PARD3B: variants seen among roughly 807,000 people sequenced by gnomAD.
The protein encoded by PARD3B is par-3 family cell polarity regulator beta, also known as partitioning defective 3 homolog B.
In PARD3B, 103 loss-of-function variants were observed where a neutral mutation model predicts 130.2. The ratio of observed to expected loss-of-function variants is 0.79; its 90% confidence interval spans 0.67 to 0.93. The LOEUF is 0.93. PARD3B is among the 40% of genes least tolerant of loss of function. PARD3B has a pLI of 0.00. For synonymous variants in PARD3B, 583 were observed against 553.2 expected, an observed-to-expected ratio of 1.05 and a Z score of -0.76; for missense variants, 1,609 against 1,499.2, an observed-to-expected ratio of 1.07 and a Z score of -1.21.
intron 18 of PARD3B, among the ~76,000 whole-genome samples, chr2:205,383,117 T>TAGATAGATAGATAGATAGAGAGAG (rs367894218): frequency 6.7e-6 from 1 of 149,826 alleles, no homozygotes; most frequent in Non-Finnish European, 1.5e-5. Flanking sequence ...GATAGATAGA[T>TAGATAGATAGATAGATAGAGAGAG]AGATAGATAG....
At chr2:204,691,029 A>T (rs1238147144) in intron 2 of PARD3B, among the ~76,000 whole-genome samples, 1 of 152,154 alleles carries the variant, frequency 6.6e-6, no homozygotes, top group Non-Finnish European at 1.5e-5. Flanking sequence ...AAAGTCACAG[A>T]CAAACAGCCT....
intron 4 of PARD3B, among the ~76,000 whole-genome samples, chr2:205,079,454 T>C (rs1450021872): frequency 6.6e-6 from 1 of 152,110 alleles, no homozygotes; most frequent in East Asian, 1.9e-4. Context: ...TGCTGTATCC[T>C]TACATGACAG....
intron 20 of PARD3B, among the ~76,000 whole-genome samples, chr2:205,494,501 C>A (rs1453022447): frequency 6.6e-6 from 1 of 152,166 alleles, no homozygotes; most frequent in Non-Finnish European, 1.5e-5. Context: ...TCTACATAAG[C>A]CTGTTAGAGA....
chr2:205,306,798 A>G (rs1197837078), intron 18 of PARD3B, among the ~76,000 whole-genome samples: 1 of 152,238 alleles, frequency 6.6e-6, no homozygotes, highest in Admixed American at 6.5e-5. Context: ...TGCTACATGC[A>G]CATTTTCAAC....
intron 18 of PARD3B, among the ~76,000 whole-genome samples, chr2:205,383,443 T>G (rs2045554299): frequency 6.6e-6 from 1 of 152,128 alleles, no homozygotes; most frequent in Admixed American, 6.6e-5. Flanking sequence ...CTTTTTGCCT[T>G]TAGCTTTGTG....
chr2:205,111,609 G>A (rs1199096367), intron 5 of PARD3B, among the ~76,000 whole-genome samples: 2 of 151,974 alleles, frequency 1.3e-5, no homozygotes, highest in Admixed American at 6.6e-5. Context: ...TTCATAAAAG[G>A]TATTCTAAAA....
At chr2:205,567,984 C>T (rs565201450) in intron 22 of PARD3B, among the ~76,000 whole-genome samples, 2 of 152,280 alleles carry the variant, frequency 1.3e-5, no homozygotes, top group East Asian at 3.9e-4. Context: ...AGGTACTTAA[C>T]TTTTGGTCCC....
chr2:204,563,573 T>G (rs2031483945), intron 1 of PARD3B, among the ~76,000 whole-genome samples: 1 of 152,182 alleles, frequency 6.6e-6, no homozygotes, highest in Non-Finnish European at 1.5e-5. Context: ...TCTTATATTT[T>G]TGCTCCAAAA....
chr2:204,921,718 C>G (rs1194829930), intron 2 of PARD3B, among the ~76,000 whole-genome samples: 2 of 151,928 alleles, frequency 1.3e-5, no homozygotes, highest in African/African-American at 4.8e-5. Flanking sequence ...TGGAGCAAGC[C>G]TGTGTCATGA....
intron 15 of PARD3B, among the ~76,000 whole-genome samples, chr2:205,197,101 A>G (rs560847556): frequency 2.0e-5 from 3 of 151,082 alleles, no homozygotes; most frequent in South Asian, 4.2e-4. Flanking sequence ...GAGCATGCAC[A>G]TTAATTATAA....
intron 11 of PARD3B, among the ~76,000 whole-genome samples, chr2:205,168,288 G>GGGGAGAGAGAGAGAGAGA (rs1553630224): frequency 7.9e-6 from 1 of 126,844 alleles, no homozygotes; most frequent in South Asian, 2.7e-4. Context: ...GGTGAGAAAG[G>GGGGAGAGAGAGAGAGAGA]GAGAGAGAGA....
chr2:205,461,469 C>T lies in PARD3B; in HGVS notation c.3044+20797C>T, dbSNP rs989112426. 7.2e-5 allele frequency among the ~76,000 whole-genome samples: 11 copies of T among 152,284 alleles called. No homozygotes were observed. Among genetic ancestry groups the T allele is most frequent in the Middle Eastern group, 3.4e-3 (1 of 294 alleles). ...GCACGGACTGCCATGTAGAAAAGGT[C>T]CCCTATTATTTCAGCACCACATTTC... On this transcript the variant is annotated intron_variant, in intron 20 of 22. Coordinates refer to ENST00000406610, the MANE Select transcript of PARD3B (RefSeq NM_001302769.2). The surrounding 1 kb of genome is among the most constrained non-coding windows in gnomAD (Gnocchi z 4.3).
chr2:205,570,108 G>A (rs1325238676), intron 22 of PARD3B, among the ~76,000 whole-genome samples: 2 of 152,182 alleles, frequency 1.3e-5, no homozygotes, highest in Non-Finnish European at 2.9e-5. Context: ...ATTTGGCTAA[G>A]CCGAAAGGAA....
At chr2:204,992,670 G>T (rs1336390470) in intron 3 of PARD3B, among the ~76,000 whole-genome samples, 3 of 55,942 alleles carry the variant, frequency 5.4e-5, no homozygotes, top group African/African-American at 1.9e-4. Flanking sequence ...ACCTTGGGCA[G>T]TATGGCCATT....
intron 4 of PARD3B, among the ~76,000 whole-genome samples, chr2:205,054,424 A>ATG (rs1699468284): frequency 4.7e-5 from 1 of 21,446 alleles, no homozygotes; most frequent in Non-Finnish European, 1.1e-4. Flanking sequence ...ATATATATAT[A>ATG]TATATATATA....
intron 2 of PARD3B, among the ~76,000 whole-genome samples, chr2:204,844,699 C>T (rs1039111518): frequency 2.6e-5 from 4 of 152,134 alleles, no homozygotes; most frequent in African/African-American, 9.7e-5. Flanking sequence ...ATTGCTCCAG[C>T]TGAGTTACAG....
chr2:204,759,599 T>A (rs1041325497), intron 2 of PARD3B, among the ~76,000 whole-genome samples: 57 of 152,168 alleles, frequency 3.7e-4, no homozygotes, highest in African/African-American at 1.2e-3. Flanking sequence ...TCCTCTGTTG[T>A]TAACATTTGC....
At chr2:204,706,134 G>A (rs1343377337) in intron 2 of PARD3B, among the ~76,000 whole-genome samples, 1 of 152,194 alleles carries the variant, frequency 6.6e-6, no homozygotes, top group South Asian at 2.1e-4. Context: ...TTGGGAGGCC[G>A]AGGTGAGAGG....
Position 205,343,767 on chromosome 2 carries a change from GC to G in PARD3B, c.2630+42068del, listed in dbSNP as rs386654385. On this transcript the variant is annotated intron_variant, in intron 18 of 22. Coordinates refer to ENST00000406610, the MANE Select transcript of PARD3B (RefSeq NM_001302769.2). Reference sequence around the variant, plus strand: ...TTTCTTTTCAGTCCCTCTGCCCCCTGCCTTCCTTACCACCACCCCCCACCCA... The same window carrying G: ...TTTCTTTTCAGTCCCTCTGCCCCCTGCTTCCTTACCACCACCCCCCACCCA... Among the ~76,000 whole-genome samples the G allele has an allele frequency of 1.3e-3, 191 of 151,326 alleles. 1 individual carries two copies. The highest frequency in any genetic ancestry group is 6.8e-3 in the Middle Eastern group (2 of 294).
Sources: allele counts gnomAD v4.1 joint callset (sites outside exome capture counted in the v4.1 genomes callset), GRCh38; gene constraint gnomAD v4.1.1; non-coding constraint Gnocchi (gnomAD v3.1); transcripts MANE v1.5; gene names NCBI Gene and HGNC (gene_info 2026-07-23, HGNC 2026-07-21).